The following SPTBN5 variants were observed in gnomAD, a reference collection of about 807,000 sequenced individuals.
SPTBN5 encodes spectrin beta, non-erythrocytic 5.
Under a neutral mutation model 477.6 loss-of-function variants are expected in SPTBN5, and 513 were observed. The ratio of observed to expected loss-of-function variants is 1.07; its 90% CI spans 1.00 to 1.16. The LOEUF (loss-of-function observed/expected upper bound fraction) is 1.16, where lower values mean the gene tolerates loss of function less well. Among genes scored for constraint, SPTBN5 ranks in the 50% most tolerant of loss-of-function variants. The pLI, the probability that SPTBN5 is intolerant of heterozygous loss-of-function variation, is 0.00. For missense variants in SPTBN5, 5,062 were observed against 4,731.8 expected (o/e 1.07, Z -2.05); for synonymous variants, 2,169 against 2,011.7 (o/e 1.08, Z -2.09).
At chr15:41,863,866 C>T (rs775845045) in intron 40 of SPTBN5, 43 bp downstream of exon 40, 1 of 1,613,174 alleles carries the variant, frequency 6.2e-7, no homozygotes, top group Admixed American at 1.7e-5. Context: ...TGGCCTTCCA[C>T]CCCTCTTCCC....
intron 59 of SPTBN5, 43 bp downstream of exon 59, chr15:41,853,215 T>A (rs763955164): frequency 6.4e-7 from 1 of 1,551,846 alleles, no homozygotes; most frequent in Non-Finnish European, 8.8e-7. Flanking sequence ...GCAATCAGGC[T>A]GTATCCCCAG....
chr15:41,881,790 G>A, intron 12 of SPTBN5, 146 bp downstream of exon 12: 1 of 694,294 alleles, frequency 1.4e-6, no homozygotes, highest in Middle Eastern at 4.2e-4. Flanking sequence ...TGCCACTGAG[G>A]ACTGGGGTGA....
rs192428364 is a variant in SPTBN5 at position 41,885,962 on chromosome 15, G to C, written c.1293C>G (p.Phe431Leu). The C allele has an allele frequency of 1.9e-5, 30 of 1,551,048 alleles. No individual in the cohort carries two copies. In the East Asian group the frequency reaches 7.1e-4, roughly 36 times the overall value. ...LQRLETLARR[F>L]QHKAALRESF... is the part of the protein sequence containing the mutation. ...TCTCCCGGAGGGCTGCCTTGTGCTG[G>C]AAGCGCCGGGCCAGGGTTTCTAGCC... The change falls in exon 7 of 68, where the codon TTC (phenylalanine) becomes TTG (leucine). Residue 431 changes from phenylalanine to leucine, a missense_variant. Phe to Leu is a conservative substitution (Grantham distance 22). Coordinates refer to ENST00000320955, the MANE Select transcript of SPTBN5 (RefSeq NM_016642.4).
At chr15:41,892,778 G>T in intron 3 of SPTBN5, 116 bp downstream of exon 3, 1 of 1,221,060 alleles carries the variant, frequency 8.2e-7, no homozygotes, top group Non-Finnish European at 1.1e-6. Context: ...CCTGTACTCA[G>T]GCCCCAGCTC....
chr15:41,867,484 ACT>A, intron 35 of SPTBN5, 52 bp downstream of exon 35: 2 of 1,538,542 alleles, frequency 1.3e-6, no homozygotes, highest in Non-Finnish European at 1.8e-6. Context: ...CCCCTTCAGG[ACT>A]CTCTCCCAAC....
chr15:41,871,328 G>A (rs1027575977), intron 29 of SPTBN5, 47 bp downstream of exon 29: 1 of 1,369,958 alleles, frequency 7.3e-7, no homozygotes, highest in Non-Finnish European at 9.4e-7. Flanking sequence ...TGCCTGCCCA[G>A]CTCCTTCCCC....
rs1042489211 is a variant in SPTBN5, at chr15:41,850,261, C to T, written c.10922-302G>A. 19 of 402,040 alleles carry T rather than the reference C, an allele frequency of 4.7e-5. 1 individual carries two copies. In the South Asian group the frequency reaches 4.8e-4, roughly 10 times the overall value. The allele number at this position is 402,040 out of a possible 1,614,324, so 24.9% of individuals were successfully genotyped here. On this transcript the variant is annotated intron_variant, in intron 66 of 67. Transcript: ENST00000320955. The stretch of plus-strand genomic sequence containing the variant: ...AGATCCCTTTGGGCTCCTGGGAAGA[C>T]AGACTCTTGGGAGGAGAGTCCAGGG...
At position 41,861,751 on chromosome 15, in the gene SPTBN5, T is replaced by G. The variant is rs2066115999; in HGVS notation, c.7721A>C (p.Gln2574Pro). 1 of 1,548,128 alleles carries G rather than the reference T, an allele frequency of 6.5e-7. No individual in the cohort carries two copies. Among genetic ancestry groups the G allele is most frequent in the Non-Finnish European group, 8.7e-7 (1 of 1,150,566 alleles). The change falls in exon 45 of 68, where the codon CAG becomes CCG. Residue 2574 changes from glutamine (Q) to proline (P), a missense_variant. Coordinates refer to ENST00000320955, the MANE Select transcript of SPTBN5 (RefSeq NM_016642.4). ...AWQEHQLQLQ[Q>P]ALELQLFLSS... Reference sequence around the variant, plus strand: ...TGTGCCTGCCTGTAGCTCCAGGGCCTGCTGCAGCTGTAGCTGATGCTCCTG... The same window carrying G: ...TGTGCCTGCCTGTAGCTCCAGGGCCGGCTGCAGCTGTAGCTGATGCTCCTG...
chr15:41,881,298 C>T, intron 12 of SPTBN5, 64 bp from the exon 13 acceptor site: 1 of 1,375,494 alleles, frequency 7.3e-7, no homozygotes, highest in Non-Finnish European at 1.0e-6. Context: ...TTTGGCCAGG[C>T]CACCCCTACC....
intron 60 of SPTBN5, 44 bp from the exon 61 acceptor site, chr15:41,852,779 G>GT (rs1555460295): frequency 6.2e-6 from 10 of 1,603,782 alleles, no homozygotes; most frequent in African/African-American, 5.5e-5. Context: ...TGGGGGGGGG[G>GT]GCCCAGAGCC....
intron 49 of SPTBN5, 133 bp downstream of exon 49, chr15:41,858,469 G>T: frequency 8.5e-7 from 1 of 1,175,526 alleles, no homozygotes; most frequent in Admixed American, 2.8e-5. Flanking sequence ...CAACCGCTTA[G>T]CCAGGTGCCT....
rs2066166567 is a variant in SPTBN5, at chr15:41,862,907, G to C, written c.7150-4C>G. On this transcript the variant is annotated splice_polypyrimidine_tract_variant and splice_region_variant and intron_variant, in intron 41 of 67. Transcript: ENST00000320955. ...CCAGGGCCTGGATCAGGGCTTCCTGGAGGAGGGGCACGGCCAGTTACCTGC... is the reference window on the plus strand; with the variant it reads ...CCAGGGCCTGGATCAGGGCTTCCTGCAGGAGGGGCACGGCCAGTTACCTGC... 6.4e-7 allele frequency: 1 copy of C among 1,568,112 alleles called. No individual in the cohort carries two copies. Among genetic ancestry groups the C allele is most frequent in the Non-Finnish European group, 8.6e-7 (1 of 1,157,416 alleles).
In SPTBN5 at chr15:41,874,938, C is replaced by G. The variant is rs375198417; in HGVS notation, c.4406G>C (p.Arg1469Pro). Reference sequence around the variant, plus strand: ...GGCAGCCATCTTGGCAGCCAGGGTCCGGCTCTCACTCTCCAGCTGTTGGTG... The same window carrying G: ...GGCAGCCATCTTGGCAGCCAGGGTCGGGCTCTCACTCTCCAGCTGTTGGTG... ...KRHQQLESES[R>P]TLAAKMAALA... Residue 1469 changes from arginine to proline, a missense_variant, in exon 23 of 68, where the codon CGG (arginine) becomes CCG (proline). Coordinates refer to ENST00000320955, the MANE Select transcript of SPTBN5 (RefSeq NM_016642.4). 1.2e-6 allele frequency: 2 copies of G among 1,613,344 alleles called. No individual in the cohort carries two copies. The highest frequency in any genetic ancestry group is 2.2e-5 in the East Asian group (1 of 44,876).
intron 56 of SPTBN5, 36 bp downstream of exon 56, chr15:41,854,746 A>G (rs751432809): frequency 1.2e-5 from 18 of 1,465,196 alleles, no homozygotes; most frequent in African/African-American, 2.9e-5. Context: ...GAAGACTCTG[A>G]CACCCCTTAG....
chr15:41,853,750 A>G lies in SPTBN5; in HGVS notation c.9812T>C (p.Leu3271Pro). ...LEAMEKEVAR[L>P]QTEACRLGQL... is the part of the protein sequence containing the mutation. The stretch of plus-strand genomic sequence containing the variant: ...GCCCAGTCGGCAGGCCTCCGTCTGT[A>G]GCCGTGCCACCTCCTTCTCCATAGC... Residue 3271 changes from leucine to proline, a missense_variant, in exon 58 of 68, where the codon CTA (leucine) becomes CCA (proline). Leu to Pro is a moderately conservative substitution (Grantham distance 98). Coordinates refer to ENST00000320955, the MANE Select transcript of SPTBN5 (RefSeq NM_016642.4). 1 of 1,579,992 alleles carries G rather than the reference A, an allele frequency of 6.3e-7. No individual in the cohort carries two copies. Among genetic ancestry groups the G allele is most frequent in the Admixed American group, 1.8e-5 (1 of 55,426 alleles).
At chr15:41,860,871 T>G in intron 46 of SPTBN5, 113 bp from the exon 47 acceptor site, 1 of 1,123,744 alleles carries the variant, frequency 8.9e-7, no homozygotes, top group Non-Finnish European at 1.2e-6. Flanking sequence ...GAGCGGCTGC[T>G]CCGCCCAAAC....
At position 41,848,589 on chromosome 15, in the gene SPTBN5, A is replaced by T. The variant is rs199626756; in HGVS notation, c.*27T>A. ...AGATGTGTCCTCGCTTGTGCCCCTGAAGTTTGGTGTTGCACTGGGGTTCAC... is the reference window on the plus strand; with the variant it reads ...AGATGTGTCCTCGCTTGTGCCCCTGTAGTTTGGTGTTGCACTGGGGTTCAC... On this transcript the variant is annotated 3_prime_UTR_variant, in exon 68 of 68. Coordinates refer to ENST00000320955, the MANE Select transcript of SPTBN5 (RefSeq NM_016642.4). 2.3e-4 allele frequency: 376 copies of T among 1,613,704 alleles called. No individual in the cohort carries two copies. The highest frequency in any genetic ancestry group is 3.1e-4 in the Non-Finnish European group (367 of 1,179,786).
intron 39 of SPTBN5, among the ~76,000 whole-genome samples, chr15:41,864,342 A>G (rs1477496094): frequency 6.6e-6 from 1 of 151,976 alleles, no homozygotes; most frequent in East Asian, 1.9e-4. Context: ...CTTGAGACGG[A>G]GTCTCCCTCT....
rs944466628 is a variant in SPTBN5, at chr15:41,887,204, C to T, written c.888+9G>A. The T allele has an allele frequency of 5.2e-6, 8 of 1,550,806 alleles. No homozygotes were observed. Among genetic ancestry groups the T allele is most frequent in the African/African-American group, 2.7e-5 (2 of 73,042 alleles). ...CCCTTGCTCACCCCACCCCTCCTTT[C>T]TCCCCCACCTTAGTGAGTCTCCTCT... is the stretch of plus-strand genomic sequence containing the variant. On this transcript the variant is annotated intron_variant, in intron 6 of 67. Coordinates refer to ENST00000320955, the MANE Select transcript of SPTBN5 (RefSeq NM_016642.4).
Sources: gnomAD v4.1 joint callset for allele counts (sites outside exome capture counted in the v4.1 genomes callset) on GRCh38, gnomAD v4.1.1 for gene constraint, MANE v1.5 for transcripts, NCBI Gene and HGNC (gene_info 2026-07-23, HGNC 2026-07-21) for gene names.